Variants in ZKSCAN7 observed in about 807,000 individuals in gnomAD.
The protein encoded by ZKSCAN7 is zinc finger with KRAB and SCAN domains 7.
In ZKSCAN7, 38 loss-of-function variants were observed where a neutral mutation model predicts 65.3. The observed-to-expected ratio is 0.58, with a 90% CI of 0.45 to 0.76. ZKSCAN7 has a LOEUF of 0.76. Among genes scored for constraint, ZKSCAN7 ranks in the 30% least tolerant of loss-of-function variants. The pLI, the probability that ZKSCAN7 is intolerant of heterozygous loss-of-function variation, is 0.00. For missense variants in ZKSCAN7, 815 were observed against 913.3 expected (o/e 0.89, Z 1.39); for synonymous variants, 321 against 321.0 (o/e 1.00, Z 0.00).
chr3:44,582,907 C>CGTGTGTGTGTGT (rs4016043), intron 5 of ZKSCAN7: 11 of 354,184 alleles, frequency 3.1e-5, no homozygotes, highest in African/African-American at 4.6e-5. Flanking sequence ...CATGAATATT[C>CGTGTGTGTGTGT]GTGTGTGTGT....
In ZKSCAN7 at chr3:44,570,407, C is replaced by A; in HGVS notation, c.1297C>A (p.His433Asn). 4 of 1,613,902 alleles carry A rather than the reference C, an allele frequency of 2.5e-6. No homozygotes were observed. The highest frequency in any genetic ancestry group is 3.4e-6 in the Non-Finnish European group (4 of 1,179,918). ...CCAGCTCATTGTTCATCTCAGAACC[C>A]ACACAGGGGAAAAACCCTATGAATG... ...TSQLIVHLRT[H>N]TGEKPYECSE... Residue 433 changes from histidine (H) to asparagine (N), a missense_variant, in exon 6 of 6, where the codon CAC (histidine) becomes AAC (asparagine). Physicochemically the swap from His to Asn is moderately conservative, Grantham distance 68. Transcript: ENST00000426540.
intron 5 of ZKSCAN7, chr3:44,580,408 T>A: frequency 6.2e-7 from 1 of 1,600,964 alleles, no homozygotes; most frequent in Non-Finnish European, 8.5e-7. Flanking sequence ...TGGTCCTTGG[T>A]CCTCATTTCT....
chr3:44,560,506 C>CTTTTTTTT (rs33986362), intron 2 of ZKSCAN7, among the ~76,000 whole-genome samples: 1 of 108,404 alleles, frequency 9.2e-6, no homozygotes, highest in African/African-American at 3.9e-5. Flanking sequence ...TTTCCTGTAT[C>CTTTTTTTT]TTTTTTTTTT....
In ZKSCAN7 at chr3:44,570,540, C is replaced by T; in HGVS notation, c.1430C>T (p.Thr477Ile). 1.9e-6 allele frequency: 3 copies of T among 1,612,518 alleles called. No individual in the cohort carries two copies. The highest frequency in any genetic ancestry group is 2.5e-6 in the Non-Finnish European group (3 of 1,178,632). The stretch of plus-strand genomic sequence containing the variant: ...TGTAATGAATGTGCAAAAGCCTTTA[C>T]TCAGAGTTCCCGACTCACTGACCAC... Reference protein sequence around the residue: ...YKCNECAKAFTQSSRLTDHQR... With the variant: ...YKCNECAKAFIQSSRLTDHQR... The change falls in exon 6 of 6, where the codon ACT becomes ATT. Residue 477 changes from threonine (T) to isoleucine (I), a missense_variant. Transcript: ENST00000426540.
chr3:44,560,891 T>G (rs776756314), intron 2 of ZKSCAN7, among the ~76,000 whole-genome samples: 3 of 152,154 alleles, frequency 2.0e-5, no homozygotes, highest in Non-Finnish European at 4.4e-5. Flanking sequence ...ACAAGTGAAG[T>G]GAGCACATGT....
intron 2 of ZKSCAN7, among the ~76,000 whole-genome samples, chr3:44,558,291 G>A (rs757571054): frequency 1.3e-5 from 2 of 152,040 alleles, no homozygotes; most frequent in Admixed American, 6.6e-5. Context: ...TTGGGAGGCC[G>A]AAGGGGGTGG....
downstream of ZKSCAN7, among the ~76,000 whole-genome samples, chr3:44,572,349 TGTGTG>T (rs1699829854): frequency 4.7e-4 from 2 of 4,264 alleles, no homozygotes; most frequent in African/African-American, 1.9e-3. Flanking sequence ...ATGGATTTTG[TGTGTG>T]TGTGTGTGTG....
intron 5 of ZKSCAN7, 143 bp downstream of exon 5, chr3:44,568,576 T>C: frequency 8.3e-7 from 1 of 1,207,264 alleles, no homozygotes; most frequent in Non-Finnish European, 1.1e-6. Flanking sequence ...CCTTTCTGCA[T>C]TCATCACTGA....
intron 2 of ZKSCAN7, 59 bp from the exon 3 acceptor site, chr3:44,565,428 T>C: frequency 6.7e-7 from 1 of 1,483,800 alleles, no homozygotes; most frequent in Non-Finnish European, 9.0e-7. Context: ...CTTAGAGGTT[T>C]TGGGTTCAGT....
intron 5 of ZKSCAN7, chr3:44,579,898 C>T (rs1399320107): frequency 1.9e-6 from 3 of 1,608,524 alleles, no homozygotes; most frequent in Non-Finnish European, 2.6e-6. Flanking sequence ...TCACGGAGGG[C>T]TCTGTGGACC....
At chr3:44,580,089 T>C in intron 5 of ZKSCAN7, 3 of 1,606,332 alleles carry the variant, frequency 1.9e-6, no homozygotes, top group East Asian at 4.5e-5. Context: ...CTCCATGTGC[T>C]CTGCCTTCTC....
In ZKSCAN7 at chr3:44,580,017, G is replaced by T. The variant is rs529095181; in HGVS notation, c.812-2955G>T. Reference sequence around the variant, plus strand: ...GGTGAAGTCCTGCTTGCTAGGGAACGCCCTTTTCTCGCTGCGGCCCTGGCG... The same window carrying T: ...GGTGAAGTCCTGCTTGCTAGGGAACTCCCTTTTCTCGCTGCGGCCCTGGCG... On this transcript the variant is annotated intron_variant, in intron 5 of 5. Coordinates refer to the ZKSCAN7 transcript ENST00000341840. 5.7e-6 allele frequency: 9 copies of T among 1,577,646 alleles called. No homozygotes were observed. In the African/African-American group the frequency reaches 1.2e-4, roughly 21 times the overall value.
intron 2 of ZKSCAN7, among the ~76,000 whole-genome samples, chr3:44,558,174 G>GGT (rs113889875): frequency 0.018 from 2,716 of 148,488 alleles, 35 homozygotes; most frequent in East Asian, 0.052. Flanking sequence ...AGGAGAGAGG[G>GGT]GTGTGTGTGT....
At chr3:44,580,532 G>C in intron 5 of ZKSCAN7, 5 of 1,613,110 alleles carry the variant, frequency 3.1e-6, no homozygotes, top group Non-Finnish European at 4.2e-6. Context: ...CCTGCGGTGT[G>C]GGGGGCTCCA....
In ZKSCAN7 at chr3:44,570,396, A is replaced by G. The variant is rs1288436984; in HGVS notation, c.1286A>G (p.His429Arg). 1 of 1,614,018 alleles carries G rather than the reference A, an allele frequency of 6.2e-7. No individual in the cohort carries two copies. The highest frequency in any genetic ancestry group is 8.5e-7 in the Non-Finnish European group (1 of 1,179,918). Reference protein sequence around the residue: ...TFRQTSQLIVHLRTHTGEKPY... With the variant: ...TFRQTSQLIVRLRTHTGEKPY... ...AGGCAAACCTCCCAGCTCATTGTTCATCTCAGAACCCACACAGGGGAAAAA... is the reference window on the plus strand; with the variant it reads ...AGGCAAACCTCCCAGCTCATTGTTCGTCTCAGAACCCACACAGGGGAAAAA... The change falls in exon 6 of 6, where the codon CAT becomes CGT. Residue 429 changes from histidine (H) to arginine (R), a missense_variant. His to Arg is a conservative substitution (Grantham distance 29). Transcript: ENST00000426540.
Position 44,570,788 on chromosome 3 carries a change from T to C in ZKSCAN7, c.1678T>C (p.Phe560Leu). 3.7e-6 allele frequency: 6 copies of C among 1,614,206 alleles called. No individual in the cohort carries two copies. Among genetic ancestry groups the C allele is most frequent in the Non-Finnish European group, 5.1e-6 (6 of 1,180,040 alleles). The change falls in exon 6 of 6, where the codon TTC becomes CTC. Residue 560 changes from phenylalanine (F) to leucine (L), a missense_variant. Around this residue, in one of 3 missense-constraint regions of ZKSCAN7, gnomAD observed 578 missense variants for 629.5 expected, o/e 0.92. Transcript: ENST00000426540. ...TGAGTGTAGTGAATGTGGCAAAGCC[T>C]TCAGTCGGAGTAAATGTCTTATTCG... ...PYECSECGKAFSRSKCLIRHQ... is the reference protein window; with the variant it reads ...PYECSECGKALSRSKCLIRHQ...
Position 44,580,210 on chromosome 3 carries a change from C to T in ZKSCAN7, c.812-2762C>T, listed in dbSNP as rs995960311. On this transcript the variant is annotated intron_variant, in intron 5 of 5. Coordinates refer to the ZKSCAN7 transcript ENST00000341840. ...AGCTGCTGTTCTTCGGCCTTCAAGT[C>T]GTGTTTGGTCTTCTCCAGAGAGAAG... 4.1e-5 allele frequency: 66 copies of T among 1,611,792 alleles called. No homozygotes were observed. The African/African-American group carries it at 7.5e-4, about 18-fold the overall frequency.
At position 44,557,019 on chromosome 3, in the gene ZKSCAN7, G is replaced by A. The variant is rs1255606891; in HGVS notation, c.-29G>A. ...CATCATTTTAATCGGACCAACTGCAGCTGTAACAAGCTTCTCTTTGGGGTC... is the reference window on the plus strand; with the variant it reads ...CATCATTTTAATCGGACCAACTGCAACTGTAACAAGCTTCTCTTTGGGGTC... On this transcript the variant is annotated 5_prime_UTR_variant, in exon 2 of 6. Coordinates refer to ENST00000426540, the MANE Select transcript of ZKSCAN7 (RefSeq NM_001288590.2). 1 of 1,613,330 alleles carries A rather than the reference G, an allele frequency of 6.2e-7. No homozygotes were observed. Among genetic ancestry groups the A allele is most frequent in the African/African-American group, 1.3e-5 (1 of 74,824 alleles).
At chr3:44,580,884 C>T in intron 5 of ZKSCAN7, 1 of 1,613,710 alleles carries the variant, frequency 6.2e-7, no homozygotes, top group Non-Finnish European at 8.5e-7. Flanking sequence ...GAGGAGCCAA[C>T]CGCCATAAAT....
Sources: gnomAD v4.1 joint callset for allele counts (sites outside exome capture counted in the v4.1 genomes callset) on GRCh38, gnomAD v4.1.1 for gene constraint, gnomAD v4.1.1 regional missense constraint, MANE v1.5 for transcripts, NCBI Gene and HGNC (gene_info 2026-07-23, HGNC 2026-07-21) for gene names.